ALK: variants seen among roughly 807,000 people sequenced by gnomAD.
The protein encoded by ALK is ALK receptor tyrosine kinase.
ALK carries 74 observed loss-of-function variants against 163.1 expected under a neutral mutation model. The ratio of observed to expected loss-of-function variants is 0.45; its 90% CI spans 0.38 to 0.55. The LOEUF is 0.55. Ranked by LOEUF, ALK falls within the 20% of genes least tolerant of loss-of-function variation. The probability of loss-of-function intolerance (pLI) is 0.00; values close to 1 mark genes in which losing one functional copy is unlikely to be tolerated. For synonymous variants in ALK, 960 were observed against 843.2 expected (o/e 1.14, Z -2.40); for missense variants, 2,063 against 2,105.3 (o/e 0.98, Z 0.39).
chr2:29,325,148 G>A (rs1667214489), intron 6 of ALK, among the ~76,000 whole-genome samples: 1 of 152,116 alleles, frequency 6.6e-6, no homozygotes, highest in Non-Finnish European at 1.5e-5. Flanking sequence ...CCATGGCAGG[G>A]TTTGGTCAAC....
chr2:29,230,737 G>C (rs987633996), intron 15 of ALK, among the ~76,000 whole-genome samples: 1 of 152,122 alleles, frequency 6.6e-6, no homozygotes, highest in African/African-American at 2.4e-5. Flanking sequence ...GGTTTGTTTC[G>C]CTGTCCTCCC....
intron 3 of ALK, among the ~76,000 whole-genome samples, chr2:29,558,699 T>C (rs1316435104): frequency 6.6e-6 from 1 of 152,028 alleles, no homozygotes; most frequent in African/African-American, 2.4e-5. Flanking sequence ...AATCTTTGGG[T>C]GCAATATTTT....
At chr2:29,238,387 T>C (rs1300406331) in intron 13 of ALK, among the ~76,000 whole-genome samples, 1 of 151,944 alleles carries the variant, frequency 6.6e-6, no homozygotes, top group African/African-American at 2.4e-5. Flanking sequence ...AGTATATACA[T>C]GGTTTCGCTG....
intron 1 of ALK, among the ~76,000 whole-genome samples, chr2:29,788,139 G>A (rs567835285): frequency 4.3e-4 from 66 of 152,302 alleles, no homozygotes; most frequent in African/African-American, 1.3e-3. Flanking sequence ...GACAACAAAC[G>A]AACTTGTCTT....
intron 1 of ALK, chr2:29,890,271 G>A (rs891295874): frequency 6.6e-6 from 1 of 152,004 alleles, no homozygotes; most frequent in African/African-American, 2.4e-5. Context: ...CCTAACCTAA[G>A]TATTAGTACT....
chr2:29,462,090 G>C (rs571152868), intron 4 of ALK, among the ~76,000 whole-genome samples: 72 of 152,252 alleles, frequency 4.7e-4, no homozygotes, highest in African/African-American at 1.6e-3. Flanking sequence ...AGACTCCAAA[G>C]ATGTGTCTGA....
chr2:29,550,308 T>C (rs933318471), intron 3 of ALK, among the ~76,000 whole-genome samples: 6 of 152,152 alleles, frequency 3.9e-5, no homozygotes, highest in African/African-American at 1.4e-4. Context: ...CTCAAGATGG[T>C]GTAGACTGAG....
At chr2:29,369,308 TTGTGTGTG>T (rs3054016) in intron 5 of ALK, among the ~76,000 whole-genome samples, 2 of 145,298 alleles carry the variant, frequency 1.4e-5, no homozygotes, top group Non-Finnish European at 3.1e-5. Flanking sequence ...ACGTGCATAT[TTGTGTGTG>T]TGTGTGTGTG....
rs1664804373 is a variant in ALK at position 29,251,121 on chromosome 2, C to T, written c.2188G>A (p.Ala730Thr). ...CATACGCACCTGTAGGTGTCGGTGG[C>T]TGGCACCTTCCAGATCTGGATGCCT... ...LKGIQIWKVPATDTYSISGYG... is the reference protein window; with the variant it reads ...LKGIQIWKVPTTDTYSISGYG... Residue 730 changes from alanine to threonine, a missense_variant, in exon 12 of 29, where the codon GCC becomes ACC. Ala to Thr is a moderately conservative substitution (Grantham distance 58). This residue lies in a region of ALK where 15 missense variants were observed against 33.5 expected (regional missense o/e 0.45). Transcript: ENST00000389048. 3.1e-6 allele frequency: 5 copies of T among 1,614,116 alleles called. No individual in the cohort carries two copies. The East Asian group carries it at 6.7e-5, about 22-fold the overall frequency.
intron 4 of ALK, among the ~76,000 whole-genome samples, chr2:29,509,828 A>C (rs1411361319): frequency 6.6e-6 from 1 of 152,228 alleles, no homozygotes; most frequent in African/African-American, 2.4e-5. Flanking sequence ...GGGGAGAAGC[A>C]TTTAAAAAGA....
intron 4 of ALK, among the ~76,000 whole-genome samples, chr2:29,386,761 T>C (rs1669041283): frequency 6.6e-6 from 1 of 152,240 alleles, no homozygotes; most frequent in South Asian, 2.1e-4. Context: ...GCAACTTTAA[T>C]AACTTTCAGA....
At chr2:29,849,751 C>T (rs1275938938) in intron 1 of ALK, among the ~76,000 whole-genome samples, 1 of 152,022 alleles carries the variant, frequency 6.6e-6, no homozygotes, top group East Asian at 1.9e-4. Flanking sequence ...CAGTGGTGTC[C>T]CTTAGCTTAG....
chr2:29,564,861 C>T (rs1674134675), intron 3 of ALK, among the ~76,000 whole-genome samples: 1 of 152,082 alleles, frequency 6.6e-6, no homozygotes, highest in African/African-American at 2.4e-5. Context: ...TTCTAGGGTT[C>T]AATCTGAGAG....
At chr2:29,466,192 T>C (rs1317135577) in intron 4 of ALK, among the ~76,000 whole-genome samples, 1 of 152,234 alleles carries the variant, frequency 6.6e-6, no homozygotes, top group Non-Finnish European at 1.5e-5. Flanking sequence ...TCATGTGGCC[T>C]GATTTCTTCC....
chr2:29,447,289 A>G (rs978641730), intron 4 of ALK, among the ~76,000 whole-genome samples: 5 of 152,012 alleles, frequency 3.3e-5, no homozygotes, highest in African/African-American at 1.2e-4. Flanking sequence ...TCTTGCAGAA[A>G]TCTCTCTGGC....
At chr2:29,724,523 A>T (rs1236976734) in intron 1 of ALK, among the ~76,000 whole-genome samples, 1 of 152,134 alleles carries the variant, frequency 6.6e-6, no homozygotes, top group Non-Finnish European at 1.5e-5. Flanking sequence ...AACCTCAGTA[A>T]ATTTACATGA....
rs896359840 is a variant in ALK, at chr2:29,920,466, C to A, written c.194G>T (p.Arg65Leu). ...CAGCAGTAGGTCCCGGGCGTAGACA[C>A]GGAAGAGCGAGGGCACCACGAAGTC... The part of the protein sequence containing the change: ...AVDFVVPSLF[R>L]VYARDLLLPP... Residue 65 changes from arginine (R) to leucine (L), a missense_variant, in exon 1 of 29, where the codon CGT becomes CTT. By Grantham distance (102) the Arg-to-Leu change is moderately radical. This residue lies in a region of ALK where 987 missense variants were observed against 939.5 expected (regional missense o/e 1.05). Transcript: ENST00000389048. 6.2e-7 allele frequency: 1 copy of A among 1,612,674 alleles called. No homozygotes were observed.
At chr2:29,265,758 C>G (rs554421514) in intron 11 of ALK, among the ~76,000 whole-genome samples, 1 of 152,092 alleles carries the variant, frequency 6.6e-6, no homozygotes, top group Non-Finnish European at 1.5e-5. Context: ...GAGGCCTAGG[C>G]GAGTGGATCA....
intron 1 of ALK, among the ~76,000 whole-genome samples, chr2:29,741,536 A>AT (rs1199562777): frequency 1.3e-5 from 2 of 152,218 alleles, no homozygotes; most frequent in African/African-American, 4.8e-5. Flanking sequence ...ACTGAAGCTA[A>AT]TCAATCTTCA....
Sources: allele counts gnomAD v4.1 joint callset (sites outside exome capture counted in the v4.1 genomes callset), GRCh38; gene constraint gnomAD v4.1.1; regional missense constraint gnomAD v4.1.1; transcripts MANE v1.5; gene names NCBI Gene and HGNC (gene_info 2026-07-23, HGNC 2026-07-21).